Variants in PSG7 observed in about 807,000 individuals in gnomAD.
PSG7 encodes pregnancy-specific beta-1-glycoprotein 7.
In PSG7, 57 loss-of-function variants were observed where a neutral mutation model predicts 45.6. The observed-to-expected ratio is 1.25, with a 90% CI of 1.01 to 1.56. The LOEUF is 1.56. PSG7 is among the 40% of genes most tolerant of loss of function. The pLI is 0.00. For synonymous variants in PSG7, 298 were observed against 194.4 expected (o/e 1.53, Z -4.43); for missense variants, 796 against 508.4 (o/e 1.57, Z -5.44).
At position 42,924,211 on chromosome 19, in the gene PSG7, T is replaced by C. The variant is rs1408846327; in HGVS notation, c.*597A>G. On this transcript the variant is annotated 3_prime_UTR_variant, in exon 6 of 6. Transcript: ENST00000406070. The stretch of plus-strand genomic sequence containing the variant: ...TTACAATGTATCTCTTAGGAAATGG[T>C]GAGAGCCATCCACACAATGTGCATT... 1.0e-5 allele frequency: 2 copies of C among 198,534 alleles called. No homozygotes were observed. The highest frequency in any genetic ancestry group is 2.0e-5 in the Non-Finnish European group (2 of 98,994). 12.3% of individuals were successfully genotyped at this position (198,534 alleles called of 1,614,324 possible). A position where few individuals can be genotyped will look rare whatever the true frequency, so the allele number is the denominator to read the frequency against.
chr19:42,927,027 A>T (rs748510685), intron 3 of PSG7: 12 of 442,380 alleles, frequency 2.7e-5, no homozygotes, highest in Non-Finnish European at 4.7e-5. Context: ...TAATGAGTTG[A>T]CTGGCTGGCT....
At chr19:42,928,263 T>G (rs1455723553) in intron 3 of PSG7, among the ~76,000 whole-genome samples, 1 of 151,620 alleles carries the variant, frequency 6.6e-6, no homozygotes, top group African/African-American at 2.4e-5. Flanking sequence ...GTTGTGGCAG[T>G]CATTAAGAAG....
Position 42,935,505 on chromosome 19 carries a change from T to G in PSG7, c.329A>C (p.Gln110Pro). Reference sequence around the variant, plus strand: ...TCCTGTGTCTTCCTGGGTGACATTCTGGATCAGCAGGGATGCATTGGAATA... The same window carrying G: ...TCCTGTGTCTTCCTGGGTGACATTCGGGATCAGCAGGGATGCATTGGAATA... The part of the protein sequence containing the change: ...TVYSNASLLI[Q>P]NVTQEDTGSY... Residue 110 changes from glutamine (Q) to proline (P), a missense_variant, in exon 2 of 6, where the codon CAG becomes CCG. Gln to Pro is a moderately conservative substitution (Grantham distance 76). Transcript: ENST00000406070. 1 of 1,612,240 alleles carries G rather than the reference T, an allele frequency of 6.2e-7. No individual in the cohort carries two copies. Among genetic ancestry groups the G allele is most frequent in the African/African-American group, 1.3e-5 (1 of 74,768 alleles).
Position 42,937,072 on chromosome 19 carries a change from C to T in PSG7, c.5G>A (p.Gly2Glu). The change falls in exon 1 of 6, where the codon GGG (glycine) becomes GAG (glutamate). Residue 2 changes from glycine (G) to glutamate (E), a missense_variant. Transcript: ENST00000406070. ...TGTGCAGGGAGGGGCTGAGAGGGGC[C>T]CCATGGTCTCTGCTCCCTGCGTGTT... is the stretch of plus-strand genomic sequence containing the variant. M[G>E]PLSAPPCTQH... 1.2e-6 allele frequency: 2 copies of T among 1,611,244 alleles called. No individual in the cohort carries two copies. Among genetic ancestry groups the T allele is most frequent in the South Asian group, 1.1e-5 (1 of 90,774 alleles).
At chr19:42,933,276 TA>T (rs1973061809) in intron 2 of PSG7, among the ~76,000 whole-genome samples, 4 of 5,632 alleles carry the variant, frequency 7.1e-4, no homozygotes, top group Non-Finnish European at 1.5e-3. Flanking sequence ...AATATATATA[TA>T]TATATATATA....
At position 42,935,690 on chromosome 19, in the gene PSG7, C is replaced by A. The variant is rs375667503; in HGVS notation, c.144G>T (p.Gly48=). 8.7e-6 allele frequency: 14 copies of A among 1,611,840 alleles called. No homozygotes were observed. Among genetic ancestry groups the A allele is most frequent in the African/African-American group, 1.3e-5 (1 of 74,494 alleles). The change falls in exon 2 of 6, where the codon GGG becomes GGT. Residue 48 remains glycine, a synonymous_variant. Coordinates refer to ENST00000406070, the MANE Select transcript of PSG7 (RefSeq NM_002783.3). The part of the protein sequence containing the change: ...IEAQPPKVSE[G]KDVLLLVHNL... The stretch of plus-strand genomic sequence containing the variant: ...TGTGGACAAGTAGAAGAACATCCTT[C>A]CCCTCGGAAACTTTTGGTGGCTGGG...
chr19:42,931,992 A>G lies in PSG7; in HGVS notation c.431-2272T>C, dbSNP rs181740272. Among the ~76,000 whole-genome samples the G allele has an allele frequency of 5.9e-3, 897 of 151,588 alleles. 29 individuals are homozygous for G. Among genetic ancestry groups the G allele is most frequent in the African/African-American group, 0.021 (869 of 41,274 alleles). On this transcript the variant is annotated intron_variant, in intron 2 of 5. Coordinates refer to ENST00000406070, the MANE Select transcript of PSG7 (RefSeq NM_002783.3). ...TTTCCACAGCTGTGTGCAGTCTACC[A>G]GTAAGCATCAAAAGCATTCTTCATT...
intron 2 of PSG7, among the ~76,000 whole-genome samples, chr19:42,933,299 ATATATATATTTTTT>A (rs1464711253): frequency 2.7e-4 from 4 of 14,652 alleles, no homozygotes; most frequent in African/African-American, 7.2e-4. Context: ...ATATATATAT[ATATATATATTTTTT>A]TTTTTTTTTG....
At chr19:42,932,718 A>G (rs1451154462) in intron 2 of PSG7, among the ~76,000 whole-genome samples, 1 of 151,542 alleles carries the variant, frequency 6.6e-6, no homozygotes, top group East Asian at 1.9e-4. Context: ...AAGAATGATG[A>G]TAGTTCCTCC....
intron 1 of PSG7, 136 bp from the exon 2 acceptor site, chr19:42,935,905 C>CACACACACAA (rs781126261): frequency 1.6e-6 from 2 of 1,221,308 alleles, no homozygotes; most frequent in Admixed American, 5.1e-5. Context: ...CACACACACA[C>CACACACACAA]ACACACACAA....
At chr19:42,930,265 T>G (rs1304907758) in intron 2 of PSG7, among the ~76,000 whole-genome samples, 2 of 151,654 alleles carry the variant, frequency 1.3e-5, no homozygotes, top group Non-Finnish European at 2.9e-5. Flanking sequence ...GAGTCAAGCC[T>G]GGAGGTCAGT....
intron 3 of PSG7, 24 bp from the exon 4 acceptor site, chr19:42,926,740 T>C (rs767984725): frequency 6.2e-7 from 1 of 1,607,672 alleles, no homozygotes; most frequent in Non-Finnish European, 8.5e-7. Flanking sequence ...AGAGAGAAGA[T>C]TGTCCTGTGT....
At chr19:42,929,945 T>C (rs1651821520) in intron 2 of PSG7, among the ~76,000 whole-genome samples, 1 of 151,516 alleles carries the variant, frequency 6.6e-6, no homozygotes, top group Non-Finnish European at 1.5e-5. Context: ...CAAGTGTGAA[T>C]TGAGCAGCAG....
intron 3 of PSG7, 192 bp from the exon 4 acceptor site, chr19:42,926,908 T>C (rs182341133): frequency 1.1e-5 from 12 of 1,117,488 alleles, no homozygotes; most frequent in African/African-American, 1.6e-5. Context: ...ACCTGCTCAG[T>C]CTTAGGGAAG....
At chr19:42,933,280 TATATATATATATATATATA>T (rs1600570709) in intron 2 of PSG7, among the ~76,000 whole-genome samples, 2 of 6,910 alleles carry the variant, frequency 2.9e-4, no homozygotes, top group South Asian at 0.014. Context: ...TATATATATA[TATATATATATATATATATA>T]TATATATATT....
rs183819405 is a variant in PSG7 at position 42,928,889 on chromosome 19, A to T, written c.709+553T>A. 1.4e-4 allele frequency among the ~76,000 whole-genome samples: 21 copies of T among 151,664 alleles called. 1 individual carries two copies. In the East Asian group the frequency reaches 2.1e-3, roughly 15 times the overall value. ...TCTATATGTTTTAGTGAATTGGGGT[A>T]TAAAGAACACTTGTACTGATTGCTG... On this transcript the variant is annotated intron_variant, in intron 3 of 5. Coordinates refer to ENST00000406070, the MANE Select transcript of PSG7 (RefSeq NM_002783.3).
At chr19:42,927,045 G>A (rs1379305189) in intron 3 of PSG7, 4 of 396,262 alleles carry the variant, frequency 1.0e-5, no homozygotes, top group African/African-American at 8.0e-5. Flanking sequence ...GCTCACCCTG[G>A]GTTCATTACC....
chr19:42,935,339 C>T, intron 2 of PSG7, 65 bp downstream of exon 2: 1 of 1,598,546 alleles, frequency 6.3e-7, no homozygotes, highest in Non-Finnish European at 8.6e-7. Flanking sequence ...CCTGACAATT[C>T]TGTGTGTGTG....
intron 3 of PSG7, among the ~76,000 whole-genome samples, chr19:42,927,943 T>G (rs984768019): frequency 6.6e-6 from 1 of 151,774 alleles, no homozygotes; most frequent in African/African-American, 2.4e-5. Context: ...TCTGAAATAT[T>G]TGTCATATAC....
Sources: gnomAD v4.1 joint callset for allele counts (sites outside exome capture counted in the v4.1 genomes callset) on GRCh38, gnomAD v4.1.1 for gene constraint, MANE v1.5 for transcripts, NCBI Gene and HGNC (gene_info 2026-07-23, HGNC 2026-07-21) for gene names.